The following COL23A1 variants were observed in gnomAD, a reference collection of about 807,000 sequenced individuals.
COL23A1 encodes collagen alpha-1(XXIII) chain.
In COL23A1, 97 loss-of-function variants were observed where a neutral mutation model predicts 99.3. The observed-to-expected ratio is 0.98, with a 90% CI of 0.83 to 1.16. The LOEUF (loss-of-function observed/expected upper bound fraction) is 1.16. Among genes scored for constraint, COL23A1 ranks in the 50% most tolerant of loss-of-function variants. The probability of loss-of-function intolerance (pLI) is 0.00; values close to 1 mark genes in which losing one functional copy is unlikely to be tolerated. For missense variants in COL23A1, 762 were observed against 757.4 expected, an observed-to-expected ratio of 1.01 and a Z score of -0.07; for synonymous variants, 320 against 308.2, an observed-to-expected ratio of 1.04 and a Z score of -0.40.
chr5:178,256,900 C>A lies in COL23A1; in HGVS notation c.803G>T (p.Gly268Val). ...KGEPGSMGPRGENGVDGAPGP... is the reference protein window; with the variant it reads ...KGEPGSMGPRVENGVDGAPGP... ...TGGGGCACCGTCCACACCGTTCTCTCCCCGAGGCCCCATGCTCCCTGGCTC... is the reference window on the plus strand; with the variant it reads ...TGGGGCACCGTCCACACCGTTCTCTACCCGAGGCCCCATGCTCCCTGGCTC... Residue 268 changes from glycine (G) to valine (V), a missense_variant, in exon 14 of 29, where the codon GGA becomes GTA. Transcript: ENST00000390654. The A allele has an allele frequency of 6.2e-7, 1 of 1,613,624 alleles. No homozygotes were observed. Among genetic ancestry groups the A allele is most frequent in the Middle Eastern group, 1.7e-4 (1 of 6,060 alleles).
chr5:178,407,543 C>T (rs1273696881), intron 2 of COL23A1, among the ~76,000 whole-genome samples: 3 of 152,068 alleles, frequency 2.0e-5, no homozygotes, highest in Non-Finnish European at 2.9e-5. Flanking sequence ...GGCACAGACT[C>T]GAAAACAGCC....
intron 15 of COL23A1, 33 bp downstream of exon 15, chr5:178,256,320 C>A: frequency 1.3e-6 from 2 of 1,562,478 alleles, no homozygotes; most frequent in Non-Finnish European, 1.7e-6. Context: ...TAGATCTCAT[C>A]CCTGAGGCCT....
intron 2 of COL23A1, among the ~76,000 whole-genome samples, chr5:178,410,332 A>G (rs1308303736): frequency 6.6e-6 from 1 of 152,212 alleles, no homozygotes; most frequent in Non-Finnish European, 1.5e-5. Context: ...CTTCCTATCA[A>G]AACTCCAGCC....
chr5:178,381,456 G>T (rs1241444905), intron 2 of COL23A1, among the ~76,000 whole-genome samples: 2 of 152,232 alleles, frequency 1.3e-5, no homozygotes, highest in African/African-American at 4.8e-5. Flanking sequence ...CAGCACCACC[G>T]GGAGAGAGGG....
At chr5:178,519,815 A>C (rs1759836798) in intron 2 of COL23A1, among the ~76,000 whole-genome samples, 1 of 152,224 alleles carries the variant, frequency 6.6e-6, no homozygotes, top group East Asian at 1.9e-4. Context: ...GCATGGGAGG[A>C]TAGATGGACA....
intron 2 of COL23A1, among the ~76,000 whole-genome samples, chr5:178,311,917 G>T (rs1758714215): frequency 6.6e-6 from 1 of 151,880 alleles, no homozygotes; most frequent in Non-Finnish European, 1.5e-5. Flanking sequence ...TTTTAGTAGA[G>T]ACCGAGTTTC....
At chr5:178,300,778 G>A (rs533350986) in intron 3 of COL23A1, among the ~76,000 whole-genome samples, 5 of 151,936 alleles carry the variant, frequency 3.3e-5, no homozygotes, top group Admixed American at 6.5e-5. Flanking sequence ...TGGCCAGGCT[G>A]GTCTTGAATT....
intron 2 of COL23A1, among the ~76,000 whole-genome samples, chr5:178,556,192 C>T (rs576985848): frequency 3.3e-5 from 5 of 152,038 alleles, no homozygotes; most frequent in Non-Finnish European, 7.4e-5. Flanking sequence ...GCAGCTATCT[C>T]GGATACACAG....
chr5:178,460,304 G>A (rs1756045388), intron 2 of COL23A1, among the ~76,000 whole-genome samples: 2 of 151,928 alleles, frequency 1.3e-5, no homozygotes, highest in Admixed American at 6.5e-5. Context: ...TACCCCAAGG[G>A]GAAAATAACC....
At chr5:178,555,142 C>G (rs1762199870) in intron 2 of COL23A1, among the ~76,000 whole-genome samples, 1 of 152,202 alleles carries the variant, frequency 6.6e-6, no homozygotes, top group Admixed American at 6.5e-5. Flanking sequence ...ATGGCCTGCC[C>G]TCTGCATGGG....
chr5:178,366,124 C>T lies in COL23A1; in HGVS notation c.362-59205G>A, dbSNP rs913208393. Among the ~76,000 whole-genome samples, 10 of 152,218 alleles carry T rather than the reference C, an allele frequency of 6.6e-5. No individual in the cohort carries two copies. The highest frequency in any genetic ancestry group is 4.1e-4 in the South Asian group (2 of 4,830). ...GCCCCATGGGGACCATCTGTTAAAG[C>T]TCCATCTACCCTACGAGGAGGCGAG... On this transcript the variant is annotated intron_variant, in intron 2 of 28. Coordinates refer to ENST00000390654, the MANE Select transcript of COL23A1 (RefSeq NM_173465.4). The surrounding 1 kb of genome is among the most constrained non-coding windows in gnomAD (Gnocchi z 4.4).
At chr5:178,485,559 C>T (rs1354838723) in intron 2 of COL23A1, among the ~76,000 whole-genome samples, 3 of 149,530 alleles carry the variant, frequency 2.0e-5, no homozygotes, top group South Asian at 2.1e-4. Context: ...GACCACCTGA[C>T]GTCAGGAGTT....
chr5:178,269,504 C>T (rs1756139950), intron 6 of COL23A1, among the ~76,000 whole-genome samples: 1 of 119,248 alleles, frequency 8.4e-6, no homozygotes, highest in Non-Finnish European at 1.7e-5. Flanking sequence ...TCCACCCATC[C>T]ACCCATCCAC....
intron 2 of COL23A1, among the ~76,000 whole-genome samples, chr5:178,359,368 C>G (rs1006796249): frequency 6.6e-6 from 1 of 152,168 alleles, no homozygotes; most frequent in African/African-American, 2.4e-5. Context: ...CTACTAAAAA[C>G]ACACAAAAAA....
intron 1 of COL23A1, among the ~76,000 whole-genome samples, chr5:178,574,081 A>G (rs191789474): frequency 1.6e-3 from 240 of 151,720 alleles, no homozygotes; most frequent in African/African-American, 5.3e-3. Flanking sequence ...CTACTCTTGA[A>G]CTCCTGACCT....
intron 2 of COL23A1, among the ~76,000 whole-genome samples, chr5:178,436,666 C>A (rs1403320913): frequency 6.6e-6 from 1 of 152,156 alleles, no homozygotes; most frequent in Non-Finnish European, 1.5e-5. Context: ...CAGCTAAGCC[C>A]TCCTTACTGA....
rs983054278 is a variant in COL23A1, at chr5:178,366,970, G to A, written c.362-60051C>T. Among the ~76,000 whole-genome samples the A allele has an allele frequency of 6.6e-6, 1 of 152,158 alleles. No homozygotes were observed. The stretch of plus-strand genomic sequence containing the variant: ...CCTCTGCATTCCAGGTGTCTCCTAC[G>A]GACCTGGAATGGGGTGGTCATTTGG... On this transcript the variant is annotated intron_variant, in intron 2 of 28. Transcript: ENST00000390654. The surrounding 1 kb of genome is among the most constrained non-coding windows in gnomAD (Gnocchi z 4.4).
intron 7 of COL23A1, among the ~76,000 whole-genome samples, chr5:178,268,356 C>G (rs533403445): frequency 6.6e-6 from 1 of 152,170 alleles, no homozygotes. Context: ...CCTTGTCTTC[C>G]TGATGGGTGT....
chr5:178,440,559 G>A (rs566052659), intron 2 of COL23A1, among the ~76,000 whole-genome samples: 89 of 152,050 alleles, frequency 5.9e-4, no homozygotes, highest in Middle Eastern at 6.9e-3. Flanking sequence ...CAATAGAAAA[G>A]AGAATGCGGT....
Sources: allele counts gnomAD v4.1 joint callset (sites outside exome capture counted in the v4.1 genomes callset), GRCh38; gene constraint gnomAD v4.1.1; non-coding constraint Gnocchi (gnomAD v3.1); transcripts MANE v1.5; gene names NCBI Gene and HGNC (gene_info 2026-07-23, HGNC 2026-07-21).